SLC39A7: variants seen among roughly 807,000 people sequenced by gnomAD.
The protein encoded by SLC39A7 is solute carrier family 39 member 7, also known as zinc transporter SLC39A7.
SLC39A7 carries 25 observed loss-of-function variants against 39.7 expected under a neutral mutation model. That is an observed-to-expected ratio of 0.63 (90% CI 0.46 to 0.88). SLC39A7 has a LOEUF of 0.88. Among genes scored for constraint, SLC39A7 ranks in the 40% least tolerant of loss-of-function variants. SLC39A7 has a pLI of 0.00. For synonymous variants in SLC39A7, 181 were observed against 234.1 expected (o/e 0.77, Z 2.07); for missense variants, 501 against 592.1 (o/e 0.85, Z 1.60).
At position 33,203,569 on chromosome 6, in the gene SLC39A7, T is replaced by G; in HGVS notation, c.1166T>G (p.Val389Gly). Residue 389 changes from valine to glycine, a missense_variant, in exon 7 of 7, where the codon GTA (valine) becomes GGA (glycine). Physicochemically the swap from Val to Gly is moderately radical, Grantham distance 109 (BLOSUM62 -3). Coordinates refer to ENST00000374677, the MANE Select transcript of SLC39A7 (RefSeq NM_006979.3). The stretch of plus-strand genomic sequence containing the variant: ...ATGCGTCTGCAACTACTGACAGCAG[T>G]AGGGGCACTGGCAGGCACAGCCTGT... ...QAMRLQLLTAVGALAGTACAL... is the reference protein window; with the variant it reads ...QAMRLQLLTAGGALAGTACAL... The G allele has an allele frequency of 6.2e-7, 1 of 1,614,242 alleles. No homozygotes were observed. The highest frequency in any genetic ancestry group is 1.3e-5 in the African/African-American group (1 of 75,062).
In SLC39A7 at chr6:33,201,532, A is replaced by G. The variant is rs1432529785; in HGVS notation, c.287A>G (p.Tyr96Cys). The change falls in exon 1 of 7, where the codon TAC becomes TGC. Residue 96 changes from tyrosine (Y) to cysteine (C), a missense_variant. Transcript: ENST00000374677. The surrounding 1 kb of genome is among the most constrained non-coding windows in gnomAD (Gnocchi z 5.9). ...EDLHHGHSHGYSHESLYHRGH... is the reference protein window; with the variant it reads ...EDLHHGHSHGCSHESLYHRGH... ...TTACACCATGGCCATAGCCATGGCT[A>G]CTCCCATGAGAGCCTCTACCACAGA... The G allele has an allele frequency of 6.2e-7, 1 of 1,613,886 alleles. No homozygotes were observed. Among genetic ancestry groups the G allele is most frequent in the South Asian group, 1.1e-5 (1 of 91,056 alleles).
In SLC39A7 at chr6:33,201,780, A is replaced by AT. The variant is rs758174746; in HGVS notation, c.453dup (p.Val152CysfsTer43). 10 of 1,613,786 alleles carry AT rather than the reference A, an allele frequency of 6.2e-6. No homozygotes were observed. The highest frequency in any genetic ancestry group is 5.5e-5 in the South Asian group (5 of 91,064). On this transcript the variant is annotated frameshift_variant, in exon 2 of 7. Transcript: ENST00000374677. LOFTEE classifies it high-confidence loss of function. The surrounding 1 kb of genome is among the most constrained non-coding windows in gnomAD (Gnocchi z 5.9). ...CCACAGTGCTGATCTCAGCAGCTCCATTTTTTGTCCTCTTCCTTATCCCCG... is the reference window on the plus strand; with the variant it reads ...CCACAGTGCTGATCTCAGCAGCTCCATTTTTTTGTCCTCTTCCTTATCCCCG...
rs1774483972 is a variant in SLC39A7, at chr6:33,200,925, G to A, written c.-321G>A. The A allele has an allele frequency of 1.9e-6, 2 of 1,054,716 alleles. No homozygotes were observed. The highest frequency in any genetic ancestry group is 1.4e-5 in the South Asian group (1 of 73,706). 65.3% of individuals were successfully genotyped at this position (1,054,716 alleles called of 1,614,324 possible). ...CGTCCAAGCAAACCGGGAAAGGAGA[G>A]GATCCCGGAGCCGGTGAGAATTCTC... On this transcript the variant is annotated 5_prime_UTR_variant, in exon 1 of 7. Coordinates refer to ENST00000374677, the MANE Select transcript of SLC39A7 (RefSeq NM_006979.3). This position sits in a 1 kb window ranked among gnomAD's most constrained non-coding sequence, Gnocchi z 6.3.
At position 33,202,653 on chromosome 6, in the gene SLC39A7, A is replaced by C; in HGVS notation, c.893A>C (p.Asp298Ala). Residue 298 changes from aspartate (D) to alanine (A), a missense_variant, in exon 5 of 7, where the codon GAT becomes GCT. By Grantham distance (126) the Asp-to-Ala change is moderately radical. Transcript: ENST00000374677. ...CGAGGAGGGAGCACAGTACCCAAAG[A>C]TGGGCCAGTGAGACCTCAGAACGCT... ...KRRGGSTVPK[D>A]GPVRPQNAEE... 6.2e-7 allele frequency: 1 copy of C among 1,609,850 alleles called. No individual in the cohort carries two copies. Among genetic ancestry groups the C allele is most frequent in the Non-Finnish European group, 8.5e-7 (1 of 1,179,278 alleles).
In SLC39A7 at chr6:33,201,112, T is replaced by C; in HGVS notation, c.-134T>C. On this transcript the variant is annotated 5_prime_UTR_variant, in exon 1 of 7. It removes the in-frame stop codon of an upstream open reading frame in the 5' UTR. Coordinates refer to ENST00000374677, the MANE Select transcript of SLC39A7 (RefSeq NM_006979.3). The surrounding 1 kb of genome is among the most constrained non-coding windows in gnomAD (Gnocchi z 5.9). Reference sequence around the variant, plus strand: ...AAGAGAACTAGTCTTGGGAACAATGTAGGTGGGAACTTAAGGGAATGGGAG... The same window carrying C: ...AAGAGAACTAGTCTTGGGAACAATGCAGGTGGGAACTTAAGGGAATGGGAG... 4 of 906,390 alleles carry C rather than the reference T, an allele frequency of 4.4e-6. No individual in the cohort carries two copies. The highest frequency in any genetic ancestry group is 5.5e-4 in the Middle Eastern group (2 of 3,652). 56.1% of individuals were successfully genotyped at this position (906,390 alleles called of 1,614,324 possible).
At chr6:33,202,020 C>A (rs527500934) in intron 2 of SLC39A7, 52 bp from the exon 3 acceptor site, 48 of 1,600,254 alleles carry the variant, frequency 3.0e-5, no homozygotes, top group African/African-American at 1.1e-4. Context: ...CCCCCAAATA[C>A]ACACTCATTG....
intron 6 of SLC39A7, 78 bp from the exon 7 acceptor site, chr6:33,203,463 A>C: frequency 1.4e-6 from 2 of 1,481,302 alleles, no homozygotes; most frequent in Non-Finnish European, 1.9e-6. Flanking sequence ...CCCTATACCT[A>C]TACCCCACCA....
intron 4 of SLC39A7, 32 bp from the exon 5 acceptor site, chr6:33,202,528 C>T (rs1562432712): frequency 3.1e-6 from 5 of 1,594,086 alleles, no homozygotes; most frequent in Non-Finnish European, 4.3e-6. Context: ...AAGATCTGTT[C>T]TCCACTCTGA....
In SLC39A7 at chr6:33,202,363, TCAC is replaced by T; in HGVS notation, c.736_738del (p.His246del). 6.2e-7 allele frequency: 1 copy of T among 1,612,836 alleles called. No homozygotes were observed. Among genetic ancestry groups the T allele is most frequent in the Non-Finnish European group, 8.5e-7 (1 of 1,179,896 alleles). ...TGAGACATGTGAAAGGAGGACATGG[TCAC>T]AGTCATGGACATGGACACGCTCACA... On this transcript the variant is annotated inframe_deletion, in exon 4 of 7. Coordinates refer to ENST00000374677, the MANE Select transcript of SLC39A7 (RefSeq NM_006979.3).
In SLC39A7 at chr6:33,202,996, G is replaced by C; in HGVS notation, c.1027G>C (p.Gly343Arg). Residue 343 changes from glycine to arginine, a missense_variant, in exon 6 of 7, where the codon GGG becomes CGG. Gly to Arg is a moderately radical substitution (Grantham distance 125). Transcript: ENST00000374677. ...TCTGGCCATTGGGGCTTCCTTTCGA[G>C]GGGGCCGGGGACTAGGGATCCTGAC... ...DGLAIGASFR[G>R]GRGLGILTTM... 6.2e-7 allele frequency: 1 copy of C among 1,612,516 alleles called. No individual in the cohort carries two copies.
chr6:33,202,441 C>A lies in SLC39A7; in HGVS notation c.799+14C>A. 6.2e-7 allele frequency: 1 copy of A among 1,611,124 alleles called. No individual in the cohort carries two copies. The highest frequency in any genetic ancestry group is 8.5e-7 in the Non-Finnish European group (1 of 1,178,542). The stretch of plus-strand genomic sequence containing the variant: ...ATGGAAGACAAGGTGAGCCCAGGAA[C>A]AACTTTCCTGAAAGCTGACTTGCCT... On this transcript the variant is annotated intron_variant, in intron 4 of 6. Transcript: ENST00000374677.
In SLC39A7 at chr6:33,203,817, G is replaced by C; in HGVS notation, c.*4G>C. The C allele has an allele frequency of 1.2e-6, 2 of 1,613,624 alleles. No individual in the cohort carries two copies. Among genetic ancestry groups the C allele is most frequent in the African/African-American group, 1.3e-5 (1 of 75,054 alleles). On this transcript the variant is annotated 3_prime_UTR_variant, in exon 7 of 7. Transcript: ENST00000374677. ...GCTGATTGCCCACCTTGAGTGAGGG[G>C]TGGATAAACTACCCCTGCCCCAAAC...
intron 5 of SLC39A7, 63 bp from the exon 6 acceptor site, chr6:33,202,846 GA>G: frequency 1.3e-6 from 2 of 1,578,722 alleles, no homozygotes; most frequent in Non-Finnish European, 1.7e-6. Flanking sequence ...GAGAATAGCT[GA>G]CCAAGACTGG....
At chr6:33,202,746 C>A (rs749442875) in intron 5 of SLC39A7, 46 bp downstream of exon 5, 3 of 1,570,680 alleles carry the variant, frequency 1.9e-6, no homozygotes, top group South Asian at 2.4e-5. Context: ...GACATCATCA[C>A]AAATCACATG....
rs1562436895 is a variant in SLC39A7, at chr6:33,204,194, T to C, written c.*381T>C. On this transcript the variant is annotated 3_prime_UTR_variant, in exon 7 of 7. Transcript: ENST00000374677. ...GGTCCAGTTTCCTTTCTCCCACCAG[T>C]TGGTGGAGGCTTCAGGGAAGACCAG... The C allele has an allele frequency of 2.2e-6, 1 of 449,804 alleles. No homozygotes were observed. The highest frequency in any genetic ancestry group is 4.3e-5 in the East Asian group (1 of 23,470). The allele number at this position is 449,804 out of a possible 1,614,324, so 27.9% of individuals were successfully genotyped here.
At position 33,202,401 on chromosome 6, in the gene SLC39A7, G is replaced by C; in HGVS notation, c.773G>C (p.Arg258Pro). ...HGHGHAHSHTRGSHGHGRQER... is the reference protein window; with the variant it reads ...HGHGHAHSHTPGSHGHGRQER... ...CATGGACACGCTCACAGTCATACACGTGGAAGTCATGGACATGGAAGACAA... is the reference window on the plus strand; with the variant it reads ...CATGGACACGCTCACAGTCATACACCTGGAAGTCATGGACATGGAAGACAA... The change falls in exon 4 of 7, where the codon CGT becomes CCT. Residue 258 changes from arginine to proline, a missense_variant. Physicochemically the swap from Arg to Pro is moderately radical, Grantham distance 103. Transcript: ENST00000374677. The C allele has an allele frequency of 6.2e-7, 1 of 1,612,838 alleles. No homozygotes were observed. The highest frequency in any genetic ancestry group is 8.5e-7 in the Non-Finnish European group (1 of 1,179,912).
intron 6 of SLC39A7, among the ~76,000 whole-genome samples, 163 bp from the exon 7 acceptor site, chr6:33,203,378 T>A (rs1774769872): frequency 6.6e-6 from 1 of 152,252 alleles, no homozygotes; most frequent in South Asian, 2.1e-4. Context: ...TCTCTTAAGA[T>A]TTTTCAGAAA....
intron 6 of SLC39A7, 32 bp from the exon 7 acceptor site, chr6:33,203,509 G>T (rs2150687843): frequency 1.2e-6 from 2 of 1,612,446 alleles, no homozygotes; most frequent in Non-Finnish European, 1.7e-6. Context: ...TTAGCTATTG[G>T]TGAGTGCCTT....
chr6:33,200,871 T>C lies in SLC39A7; in HGVS notation c.-375T>C, dbSNP rs1774473479. The stretch of plus-strand genomic sequence containing the variant: ...GCGAAGGTGGAACGGAACTTCCTGT[T>C]CTCGCGGGATCTAAAGGCGGGACTG... On this transcript the variant is annotated 5_prime_UTR_variant, in exon 1 of 7. Coordinates refer to ENST00000374677, the MANE Select transcript of SLC39A7 (RefSeq NM_006979.3). The surrounding 1 kb of genome is among the most constrained non-coding windows in gnomAD (Gnocchi z 6.3). The C allele has an allele frequency of 2.1e-6, 3 of 1,454,458 alleles. No individual in the cohort carries two copies. Among genetic ancestry groups the C allele is most frequent in the Non-Finnish European group, 2.8e-6 (3 of 1,072,594 alleles). The allele number at this position is 1,454,458 out of a possible 1,614,324, so 90.1% of individuals were successfully genotyped here.
Sources: gnomAD v4.1 joint callset for allele counts (sites outside exome capture counted in the v4.1 genomes callset) on GRCh38, gnomAD v4.1.1 for gene constraint, Gnocchi (gnomAD v3.1) non-coding constraint, MANE v1.5 for transcripts, NCBI Gene and HGNC (gene_info 2026-07-23, HGNC 2026-07-21) for gene names.